The following GATM variants were observed in gnomAD, a reference collection of about 807,000 sequenced individuals.
GATM encodes the protein glycine amidinotransferase, mitochondrial.
A neutral mutation model predicts 54.2 loss-of-function variants in GATM; 23 were observed. That is an observed-to-expected ratio of 0.42 (90% CI 0.31 to 0.60). The LOEUF is 0.60. GATM is among the 20% of genes least tolerant of loss of function. The pLI is 0.14. For synonymous variants in GATM, 168 were observed against 183.1 expected (o/e 0.92, Z 0.67); for missense variants, 401 against 544.9 (o/e 0.74, Z 2.63).
At chr15:45,389,522 C>T (rs998756861) in intron 3 of GATM, among the ~76,000 whole-genome samples, 2 of 152,222 alleles carry the variant, frequency 1.3e-5, no homozygotes, top group African/African-American at 2.4e-5. Flanking sequence ...GGGCTCACTG[C>T]AAGCTCCACC....
intron 2 of GATM, among the ~76,000 whole-genome samples, chr15:45,371,026 GC>G (rs1380279251): frequency 6.6e-6 from 1 of 152,146 alleles, no homozygotes; most frequent in Non-Finnish European, 1.5e-5. Context: ...ACCCGCGTCG[GC>G]CCCCCAAAGG....
intron 3 of GATM, among the ~76,000 whole-genome samples, chr15:45,383,821 C>T (rs760523975): frequency 4.6e-5 from 7 of 152,168 alleles, no homozygotes; most frequent in Non-Finnish European, 8.8e-5. Context: ...GGATTACAGG[C>T]ATGAGCCACC....
intron 3 of GATM, among the ~76,000 whole-genome samples, chr15:45,389,099 T>A (rs1480826444): frequency 1.3e-5 from 2 of 152,240 alleles, no homozygotes; most frequent in Non-Finnish European, 2.9e-5. Context: ...TTAGGGGATA[T>A]CATCATGGCC....
At chr15:45,386,276 C>G (rs895073221) in intron 3 of GATM, among the ~76,000 whole-genome samples, 2 of 152,216 alleles carry the variant, frequency 1.3e-5, no homozygotes, top group Non-Finnish European at 2.9e-5. Context: ...TAGTGACAAT[C>G]TTTGCGTGGA....
In GATM at chr15:45,378,362, G is replaced by A. The variant is rs768058109; in HGVS notation, c.69+23C>T. 2.3e-5 allele frequency: 35 copies of A among 1,510,088 alleles called. No individual in the cohort carries two copies. In the African/African-American group the frequency reaches 4.3e-4, roughly 18 times the overall value. The allele number at this position is 1,510,088 out of a possible 1,614,324, so 93.5% of individuals were successfully genotyped here. ...GATCGAGTGAGTCACGCGGCCGCCA[G>A]ACGAGGCCGGTGGCGCACGCACCCG... On this transcript the variant is annotated intron_variant, in intron 1 of 8. Coordinates refer to ENST00000396659, the MANE Select transcript of GATM (RefSeq NM_001482.3).
chr15:45,386,546 C>T (rs187442289), intron 3 of GATM, among the ~76,000 whole-genome samples: 107 of 152,318 alleles, frequency 7.0e-4, no homozygotes, highest in Non-Finnish European at 1.3e-3. Flanking sequence ...TGTCCATACA[C>T]GCTGTGATCT....
At chr15:45,369,899 G>C (rs927642898) in intron 2 of GATM, among the ~76,000 whole-genome samples, 16 of 152,070 alleles carry the variant, frequency 1.1e-4, no homozygotes, top group African/African-American at 3.4e-4. Flanking sequence ...TGAAACAAGA[G>C]AACACACAAA....
intron 2 of GATM, among the ~76,000 whole-genome samples, chr15:45,375,920 T>C (rs1241178040): frequency 2.0e-5 from 3 of 152,092 alleles, no homozygotes; most frequent in Non-Finnish European, 4.4e-5. Context: ...AGTGACCAGT[T>C]AGGAGTTAAC....
At chr15:45,363,657 A>G (rs1341924813) in intron 8 of GATM, 2 of 570,790 alleles carry the variant, frequency 3.5e-6, no homozygotes, top group Admixed American at 6.5e-5. Context: ...GCTAAGTCAT[A>G]TAAGATTTAT....
intron 3 of GATM, among the ~76,000 whole-genome samples, chr15:45,389,032 G>T (rs973735173): frequency 6.6e-6 from 1 of 152,224 alleles, no homozygotes; most frequent in Non-Finnish European, 1.5e-5. Flanking sequence ...GTGCAAGACA[G>T]TAACGTTTGG....
upstream of GATM, chr15:45,378,605 G>T: frequency 1.9e-6 from 1 of 535,026 alleles, no homozygotes; most frequent in Non-Finnish European, 3.1e-6. Context: ...CGCCCCCCGC[G>T]GCCCCATTGG....
intron 1 of GATM, among the ~76,000 whole-genome samples, chr15:45,400,197 G>C (rs1401791599): frequency 6.6e-6 from 1 of 152,162 alleles, no homozygotes; most frequent in African/African-American, 2.4e-5. Context: ...ACTCAAGACT[G>C]GGTGACAGAG....
intron 4 of GATM, among the ~76,000 whole-genome samples, chr15:45,366,723 C>T (rs2140642339): frequency 6.6e-6 from 1 of 152,284 alleles, no homozygotes; most frequent in Non-Finnish European, 1.5e-5. Flanking sequence ...TTTCCTGATA[C>T]AACAGTCCTC....
At chr15:45,382,404 G>A (rs933183542), upstream of GATM, among the ~76,000 whole-genome samples, 11 of 152,166 alleles carry the variant, frequency 7.2e-5, no homozygotes, top group Non-Finnish European at 8.8e-5. Context: ...GTTCACACCT[G>A]TAATCTCAGC....
At position 45,378,534 on chromosome 15, in the gene GATM, C is replaced by T. The variant is rs1403175452; in HGVS notation, c.-81G>A. ...GTCCAAGCCTTCCCGAGAGCGCGCC[C>T]GGAGCGGGGTGGGCGGGCGCGCGGG... On this transcript the variant is annotated 5_prime_UTR_variant, in exon 1 of 9. Transcript: ENST00000396659. 23 of 1,137,156 alleles carry T rather than the reference C, an allele frequency of 2.0e-5. No homozygotes were observed. The highest frequency in any genetic ancestry group is 9.0e-6 in the Non-Finnish European group (8 of 887,512). The allele number at this position is 1,137,156 out of a possible 1,614,324, so 70.4% of individuals were successfully genotyped here. A position where few individuals can be genotyped will look rare whatever the true frequency, so the allele number is the denominator to read the frequency against.
chr15:45,369,423 T>G lies in GATM; in HGVS notation c.387A>C (p.Glu129Asp), dbSNP rs756420233. Residue 129 changes from glutamate (E) to aspartate (D), a missense_variant, in exon 3 of 9, where the codon GAA becomes GAC. By Grantham distance (45) the Glu-to-Asp change is conservative. This residue lies in a region of GATM where 321 missense variants were observed against 457.5 expected (regional missense o/e 0.70). Coordinates refer to ENST00000396659, the MANE Select transcript of GATM (RefSeq NM_001482.3). The stretch of plus-strand genomic sequence containing the variant: ...CTTCCGTTTTTAAAATATTGCACAT[T>G]TCTTCAATTTCAGCAACAGCCTTTT... ...HLKKAVAEIE[E>D]MCNILKTEGV... 2 of 1,614,156 alleles carry G rather than the reference T, an allele frequency of 1.2e-6. No individual in the cohort carries two copies. The highest frequency in any genetic ancestry group is 1.1e-5 in the South Asian group (1 of 91,082).
upstream of GATM, among the ~76,000 whole-genome samples, chr15:45,381,229 GGTGGTCTC>G (rs1299488117): frequency 3.9e-5 from 6 of 152,058 alleles, no homozygotes; most frequent in Non-Finnish European, 8.8e-5. Context: ...TTAGGATCTT[GGTGGTCTC>G]ATACCTAGTC....
At position 45,376,813 on chromosome 15, in the gene GATM, G is replaced by C. The variant is rs1032267288; in HGVS notation, c.76C>G (p.Arg26Gly). 1.5e-5 allele frequency: 24 copies of C among 1,613,406 alleles called. No individual in the cohort carries two copies. Among genetic ancestry groups the C allele is most frequent in the Middle Eastern group, 1.6e-4 (1 of 6,084 alleles). Residue 26 changes from arginine (R) to glycine (G), a missense_variant, in exon 2 of 9, where the codon CGA becomes GGA. This residue lies in a region of GATM where 70 missense variants were observed against 61.5 expected (regional missense o/e 1.14). Coordinates refer to ENST00000396659, the MANE Select transcript of GATM (RefSeq NM_001482.3). The stretch of plus-strand genomic sequence containing the variant: ...CGCTGCACCCATCCTGTCAAGGTTC[G>C]TCCAAGCTTCCAAGAACAAAGAAAA... Reference protein sequence around the residue: ...AVHYIGSRLGRTLTGWVQRTF... With the variant: ...AVHYIGSRLGGTLTGWVQRTF...
intron 3 of GATM, chr15:45,396,359 C>T (rs1889930294): frequency 6.6e-6 from 1 of 152,116 alleles, no homozygotes; most frequent in Non-Finnish European, 1.5e-5. Context: ...ATATAGTCCT[C>T]AAACCAGTCA....
Sources: allele counts gnomAD v4.1 joint callset (sites outside exome capture counted in the v4.1 genomes callset), GRCh38; gene constraint gnomAD v4.1.1; regional missense constraint gnomAD v4.1.1; transcripts MANE v1.5; gene names NCBI Gene and HGNC (gene_info 2026-07-23, HGNC 2026-07-21).